The following SERPINF2 variants were observed in gnomAD, a reference collection of about 807,000 sequenced individuals.
SERPINF2 encodes the protein serpin family F member 2.
Under a neutral mutation model 45.0 loss-of-function variants are expected in SERPINF2, and 15 were observed. The ratio of observed to expected loss-of-function variants is 0.33; its 90% confidence interval spans 0.22 to 0.51. The LOEUF (loss-of-function observed/expected upper bound fraction) is 0.51, where lower values mean the gene tolerates loss of function less well. Ranked by LOEUF, SERPINF2 falls within the 20% of genes least tolerant of loss-of-function variation. The probability of loss-of-function intolerance (pLI) is 0.97; values close to 1 mark genes in which losing one functional copy is unlikely to be tolerated. For missense variants in SERPINF2, 518 were observed against 637.4 expected, an observed-to-expected ratio of 0.81 and a Z score of 2.02; for synonymous variants, 283 against 277.9, an observed-to-expected ratio of 1.02 and a Z score of -0.18.
rs1486078433 is a variant in SERPINF2 at position 1,745,249 on chromosome 17, G to A, written c.102+36G>A. On this transcript the variant is annotated intron_variant, in intron 3 of 9. Transcript: ENST00000453066. The surrounding 1 kb of genome is among the most constrained non-coding windows in gnomAD (Gnocchi z 6.2). ...GTGAGGAGCCTGTGATGGGGGGAAG[G>A]TCCCGGGGGTCTCACTGGTGGCTTG... 4 of 1,587,800 alleles carry A rather than the reference G, an allele frequency of 2.5e-6. No homozygotes were observed. In the East Asian group the frequency reaches 6.9e-5, roughly 28 times the overall value.
chr17:1,744,607 TG>T, intron 1 of SERPINF2: 2 of 985,422 alleles, frequency 2.0e-6, no homozygotes, highest in Non-Finnish European at 2.4e-6. Flanking sequence ...CCAAGCCTGG[TG>T]GAGTTACGGG....
At chr17:1,751,109 G>A (rs1207963863) in intron 8 of SERPINF2, among the ~76,000 whole-genome samples, 4 of 152,140 alleles carry the variant, frequency 2.6e-5, no homozygotes, top group African/African-American at 4.8e-5. Context: ...GGAGGCCCTC[G>A]AGCCCTGTGG....
intron 5 of SERPINF2, among the ~76,000 whole-genome samples, chr17:1,746,636 A>C (rs1201961935): frequency 6.6e-6 from 1 of 152,002 alleles, no homozygotes; most frequent in Non-Finnish European, 1.5e-5. Context: ...CATGTTGGCC[A>C]GGGTGGTCTC....
At chr17:1,750,426 T>C (rs1468026000) in intron 8 of SERPINF2, among the ~76,000 whole-genome samples, 3 of 151,792 alleles carry the variant, frequency 2.0e-5, no homozygotes, top group South Asian at 2.1e-4. Flanking sequence ...GGATTACAGG[T>C]GTGAGCCACC....
In SERPINF2 at chr17:1,747,469, G is replaced by A. The variant is rs774020894; in HGVS notation, c.672G>A (p.Pro224=). ...GKIQEFLSGL[P]EDTVLLLLNA... ...TTCAGGAATTCCTCTCTGGGCTGCC[G>A]GAAGACACCGTGTTGCTTCTCCTCA... Residue 224 remains proline (P), a synonymous_variant, in exon 7 of 10, where the codon CCG becomes CCA. Coordinates refer to ENST00000453066, the MANE Select transcript of SERPINF2 (RefSeq NM_000934.4). 42 of 1,614,088 alleles carry A rather than the reference G, an allele frequency of 2.6e-5. No homozygotes were observed. In the South Asian group the frequency reaches 3.1e-4, roughly 12 times the overall value.
intron 7 of SERPINF2, 44 bp from the exon 8 acceptor site, chr17:1,748,554 G>T: frequency 6.2e-7 from 1 of 1,606,968 alleles, no homozygotes; most frequent in Non-Finnish European, 8.5e-7. Flanking sequence ...TCTGCCCCAA[G>T]CTGGTCCCCG....
At chr17:1,752,309 G>A (rs890018483) in intron 8 of SERPINF2, among the ~76,000 whole-genome samples, 1 of 152,144 alleles carries the variant, frequency 6.6e-6, no homozygotes, top group African/African-American at 2.4e-5. Flanking sequence ...GCCTGCCTCG[G>A]CCTCCCAAAG....
At position 1,747,128 on chromosome 17, in the gene SERPINF2, G is replaced by T; in HGVS notation, c.477G>T (p.Ala159=). The change falls in exon 6 of 10, where the codon GCG becomes GCT. Residue 159 remains alanine (A), a synonymous_variant. Coordinates refer to ENST00000453066, the MANE Select transcript of SERPINF2 (RefSeq NM_000934.4). ...SRLCQDLGPG[A]FRLAARMYLQ... is the part of the protein sequence containing the mutation. ...TCTGCCAGGACCTGGGCCCCGGCGC[G>T]TTCCGACTGGCTGCCAGGATGTACC... 6.2e-7 allele frequency: 1 copy of T among 1,611,916 alleles called. No homozygotes were observed. Among genetic ancestry groups the T allele is most frequent in the Non-Finnish European group, 8.5e-7 (1 of 1,179,982 alleles).
At chr17:1,744,182 C>T (rs1463640700) in intron 1 of SERPINF2, among the ~76,000 whole-genome samples, 1 of 151,258 alleles carries the variant, frequency 6.6e-6, no homozygotes, top group Non-Finnish European at 1.5e-5. Flanking sequence ...AGGCTTGAGC[C>T]ACCGTGCCTG....
intron 7 of SERPINF2, 116 bp downstream of exon 7, chr17:1,747,628 G>A (rs1349247164): frequency 4.3e-6 from 5 of 1,158,220 alleles, no homozygotes; most frequent in East Asian, 2.6e-5. Context: ...GCAGTGGCGC[G>A]ATCTCGGCTC....
chr17:1,754,424 T>G lies in SERPINF2; in HGVS notation c.1366T>G (p.Phe456Val). 1.2e-6 allele frequency: 2 copies of G among 1,612,884 alleles called. No individual in the cohort carries two copies. Among genetic ancestry groups the G allele is most frequent in the Non-Finnish European group, 1.7e-6 (2 of 1,179,078 alleles). The change falls in exon 10 of 10, where the codon TTC becomes GTC. Residue 456 changes from phenylalanine (F) to valine (V), a missense_variant. Phe to Val is a conservative substitution (Grantham distance 50, BLOSUM62 -1). Coordinates refer to ENST00000453066, the MANE Select transcript of SERPINF2 (RefSeq NM_000934.4). ...GCAGGATTCCCCGGGCAACAAGGAC[T>G]TCCTCCAGAGCCTGAAAGGCTTCCC... is the stretch of plus-strand genomic sequence containing the variant. ...EQQDSPGNKD[F>V]LQSLKGFPRG...
intron 8 of SERPINF2, among the ~76,000 whole-genome samples, chr17:1,751,460 A>G (rs1906391440): frequency 7.5e-6 from 1 of 132,994 alleles, no homozygotes; most frequent in East Asian, 3.1e-4. Flanking sequence ...GAAAAAAAAA[A>G]AAAAAGAGGC....
chr17:1,747,418 G>T lies in SERPINF2; in HGVS notation c.621G>T (p.Trp207Cys), dbSNP rs1905942549. The T allele has an allele frequency of 1.9e-6, 3 of 1,614,192 alleles. No individual in the cohort carries two copies. Among genetic ancestry groups the T allele is most frequent in the Non-Finnish European group, 2.5e-6 (3 of 1,180,034 alleles). Residue 207 changes from tryptophan to cysteine, a missense_variant, in exon 7 of 10, where the codon TGG (tryptophan) becomes TGT (cysteine). This residue lies in a region of SERPINF2 where 435 missense variants were observed against 577.3 expected (regional missense o/e 0.75). Transcript: ENST00000453066. ...ATGACCTGGCAAACATCAACCAATGGGTGAAGGAGGCCACGGAGGGGAAGA... is the reference window on the plus strand; with the variant it reads ...ATGACCTGGCAAACATCAACCAATGTGTGAAGGAGGCCACGGAGGGGAAGA... ...QEDDLANINQ[W>C]VKEATEGKIQ...
intron 1 of SERPINF2, among the ~76,000 whole-genome samples, chr17:1,744,380 C>G (rs1382703716): frequency 6.6e-6 from 1 of 152,052 alleles, no homozygotes; most frequent in East Asian, 1.9e-4. Flanking sequence ...GTAATCCCAG[C>G]TATTCGGGAG....
At chr17:1,746,502 C>T (rs1221509015) in intron 5 of SERPINF2, among the ~76,000 whole-genome samples, 3 of 150,158 alleles carry the variant, frequency 2.0e-5, no homozygotes, top group Non-Finnish European at 3.0e-5. Flanking sequence ...TCTCAGCTCA[C>T]TGCAACCTCT....
intron 1 of SERPINF2, among the ~76,000 whole-genome samples, chr17:1,743,542 C>T (rs1865575238): frequency 6.6e-6 from 1 of 151,496 alleles, no homozygotes; most frequent in African/African-American, 2.4e-5. Context: ...ATGGAGAAAC[C>T]CTGTCTCTAC....
intron 1 of SERPINF2, among the ~76,000 whole-genome samples, chr17:1,743,651 G>T (rs1192779156): frequency 2.0e-5 from 3 of 146,680 alleles, no homozygotes; most frequent in Non-Finnish European, 1.5e-5. Flanking sequence ...GGAGGTGGAG[G>T]TTGCAGTGAG....
Position 1,754,843 on chromosome 17 carries a change from C to T in SERPINF2, c.*309C>T, listed in dbSNP as rs778391884. On this transcript the variant is annotated 3_prime_UTR_variant, in exon 10 of 10. Coordinates refer to ENST00000453066, the MANE Select transcript of SERPINF2 (RefSeq NM_000934.4). ...CAGGAGACAGGTTAGCTGCTCCCCACGTCAGCTGGGACACCCCGACTTTTG... is the reference window on the plus strand; with the variant it reads ...CAGGAGACAGGTTAGCTGCTCCCCATGTCAGCTGGGACACCCCGACTTTTG... 1.2e-4 allele frequency: 55 copies of T among 455,652 alleles called. No individual in the cohort carries two copies. The highest frequency in any genetic ancestry group is 2.5e-4 in the East Asian group (7 of 28,350). 28.2% of individuals were successfully genotyped at this position (455,652 alleles called of 1,614,324 possible).
intron 5 of SERPINF2, 138 bp from the exon 6 acceptor site, chr17:1,746,881 G>A: frequency 1.7e-6 from 2 of 1,208,282 alleles, no homozygotes; most frequent in Non-Finnish European, 2.3e-6. Context: ...GAGCCACGCA[G>A]AACAGATCCG....
Sources: gnomAD v4.1 joint callset for allele counts (sites outside exome capture counted in the v4.1 genomes callset) on GRCh38, gnomAD v4.1.1 for gene constraint, gnomAD v4.1.1 regional missense constraint, Gnocchi (gnomAD v3.1) non-coding constraint, MANE v1.5 for transcripts, NCBI Gene and HGNC (gene_info 2026-07-23, HGNC 2026-07-21) for gene names.